CERS3: variants seen among roughly 807,000 people sequenced by gnomAD.
The protein encoded by CERS3 is LAG1 homolog, ceramide synthase 3.
CERS3 carries 33 observed loss-of-function variants against 50.3 expected under a neutral mutation model. The observed-to-expected ratio is 0.66, with a 90% CI of 0.50 to 0.88. The LOEUF (loss-of-function observed/expected upper bound fraction) is 0.88, where lower values mean the gene tolerates loss of function less well. Among genes scored for constraint, CERS3 ranks in the 40% least tolerant of loss-of-function variants. CERS3 has a pLI of 0.00. For missense variants in CERS3, 470 were observed against 460.3 expected, an observed-to-expected ratio of 1.02 and a Z score of -0.19; for synonymous variants, 176 against 155.2, an observed-to-expected ratio of 1.13 and a Z score of -0.99.
intron 11 of CERS3, among the ~76,000 whole-genome samples, chr15:100,448,465 A>T (rs1343949903): frequency 2.0e-5 from 3 of 152,206 alleles, no homozygotes; most frequent in Admixed American, 6.5e-5. Flanking sequence ...TCCTAGCCAC[A>T]GGAGAGGCTC....
intron 11 of CERS3, among the ~76,000 whole-genome samples, chr15:100,434,578 A>T (rs932533663): frequency 6.6e-6 from 1 of 152,196 alleles, no homozygotes; most frequent in African/African-American, 2.4e-5. Flanking sequence ...AGACTTAGGT[A>T]GTAGGGGTGG....
upstream of CERS3, among the ~76,000 whole-genome samples, chr15:100,532,738 G>A (rs536968739): frequency 3.3e-5 from 5 of 152,184 alleles, no homozygotes; most frequent in Non-Finnish European, 5.9e-5. Flanking sequence ...CAGACTGGGC[G>A]ACAGAGTAAG....
intron 1 of CERS3, chr15:100,544,252 CTAACGGACTTTGCAAGGCCCAGTACA>C (rs2037280490): frequency 6.6e-6 from 1 of 152,300 alleles, no homozygotes; most frequent in African/African-American, 2.4e-5. Flanking sequence ...TGGAGCGCTC[CTAACGGACTTTGCAAGGCCCAGTACA>C]CGGGGGCTGC....
At chr15:100,469,669 G>C (rs570559623) in intron 9 of CERS3, among the ~76,000 whole-genome samples, 185 bp from the exon 10 acceptor site, 1 of 152,080 alleles carries the variant, frequency 6.6e-6, no homozygotes, top group Non-Finnish European at 1.5e-5. Context: ...AAGCTGATGG[G>C]TCCATTATAT....
chr15:100,455,909 C>T lies in CERS3; in HGVS notation c.983G>A (p.Arg328Lys). The T allele has an allele frequency of 6.2e-7, 1 of 1,610,692 alleles. No homozygotes were observed. Among genetic ancestry groups the T allele is most frequent in the Middle Eastern group, 1.7e-4 (1 of 6,042 alleles). Residue 328 changes from arginine (R) to lysine (K), a missense_variant, in exon 11 of 12, where the codon AGA (arginine) becomes AAA (lysine). Transcript: ENST00000679737. ...AGCCCTTACCTTCATGAATATACAT[C>T]TGTTGAGCATCTTCAAGATGTAATA... is the stretch of plus-strand genomic sequence containing the variant. ...WGYYILKMLNRCIFMKSIQDV... is the reference protein window; with the variant it reads ...WGYYILKMLNKCIFMKSIQDV...
At chr15:100,449,942 A>G (rs1283146584) in intron 11 of CERS3, among the ~76,000 whole-genome samples, 2 of 152,212 alleles carry the variant, frequency 1.3e-5, no homozygotes, top group African/African-American at 4.8e-5. Context: ...TAATTATATT[A>G]AAGAACCTCA....
At chr15:100,481,586 C>T (rs1596736367) in intron 5 of CERS3, among the ~76,000 whole-genome samples, 1 of 152,230 alleles carries the variant, frequency 6.6e-6, no homozygotes, top group South Asian at 2.1e-4. Flanking sequence ...CTCCATCGGG[C>T]ACGGTGCTGC....
intron 11 of CERS3, among the ~76,000 whole-genome samples, chr15:100,429,497 TG>T (rs2033003060): frequency 6.6e-6 from 1 of 152,208 alleles, no homozygotes; most frequent in Non-Finnish European, 1.5e-5. Context: ...CGCACACCCC[TG>T]CCTGTGTCTC....
chr15:100,479,386 T>G (rs767270201), intron 7 of CERS3, 42 bp downstream of exon 7: 1 of 1,434,100 alleles, frequency 7.0e-7, no homozygotes, highest in Non-Finnish European at 9.7e-7. Flanking sequence ...TGAGGGATCT[T>G]GGTGTTCAAG....
chr15:100,443,020 A>C (rs1377093802), intron 11 of CERS3, among the ~76,000 whole-genome samples: 36 of 151,922 alleles, frequency 2.4e-4, no homozygotes, highest in African/African-American at 8.5e-4. Flanking sequence ...ACTCCTTTTT[A>C]GTTATCCCCA....
At chr15:100,491,134 A>C (rs2035638692) in intron 3 of CERS3, among the ~76,000 whole-genome samples, 1 of 151,954 alleles carries the variant, frequency 6.6e-6, no homozygotes, top group African/African-American at 2.4e-5. Flanking sequence ...AAAAAAAAAC[A>C]CTTGCACAAT....
intron 11 of CERS3, among the ~76,000 whole-genome samples, chr15:100,413,312 A>G (rs1011538874): frequency 6.6e-6 from 1 of 152,198 alleles, no homozygotes; most frequent in Non-Finnish European, 1.5e-5. Context: ...TCAAGGAATA[A>G]TCATAGCAAG....
intron 1 of CERS3, among the ~76,000 whole-genome samples, chr15:100,538,602 C>A (rs937740237): frequency 2.1e-4 from 32 of 152,312 alleles, no homozygotes; most frequent in African/African-American, 5.5e-4. Flanking sequence ...GGCTGGCATG[C>A]AGGGCACCAA....
At chr15:100,419,826 A>C (rs1271632165) in intron 11 of CERS3, among the ~76,000 whole-genome samples, 1 of 144,588 alleles carries the variant, frequency 6.9e-6, no homozygotes, top group Admixed American at 6.9e-5. Context: ...CTGCTCCTGA[A>C]TGACTACTGG....
chr15:100,524,013 G>C (rs1399776039), intron 1 of CERS3, among the ~76,000 whole-genome samples: 3 of 152,098 alleles, frequency 2.0e-5, no homozygotes, highest in African/African-American at 7.2e-5. Context: ...CTTTCCTGTA[G>C]TACCAATGTT....
intron 10 of CERS3, among the ~76,000 whole-genome samples, chr15:100,467,767 C>CTA (rs557265765): frequency 0.045 from 4,720 of 105,046 alleles, 196 homozygotes; most frequent in African/African-American, 0.074. Flanking sequence ...CTCTCTCTCT[C>CTA]TCTATATATA....
chr15:100,432,780 G>GT (rs1170223383), intron 11 of CERS3, among the ~76,000 whole-genome samples: 2 of 152,094 alleles, frequency 1.3e-5, no homozygotes, highest in African/African-American at 2.4e-5. Flanking sequence ...CGAAAGAATT[G>GT]TATGTATTTA....
At chr15:100,480,598 G>GT (rs1018855683) in intron 5 of CERS3, among the ~76,000 whole-genome samples, 6 of 152,094 alleles carry the variant, frequency 3.9e-5, no homozygotes, top group Non-Finnish European at 7.4e-5. Context: ...TCAAAAAATT[G>GT]TAACAAATGG....
intron 11 of CERS3, among the ~76,000 whole-genome samples, chr15:100,453,076 G>A: frequency 6.7e-6 from 1 of 150,110 alleles, no homozygotes; most frequent in Non-Finnish European, 1.5e-5. Flanking sequence ...TTACAAAGAA[G>A]AATTTACAGC....
Sources: gnomAD v4.1 joint callset for allele counts (sites outside exome capture counted in the v4.1 genomes callset) on GRCh38, gnomAD v4.1.1 for gene constraint, MANE v1.5 for transcripts, NCBI Gene and HGNC (gene_info 2026-07-23, HGNC 2026-07-21) for gene names.